Variants in GRIP2 observed in about 807,000 individuals in gnomAD.
The protein encoded by GRIP2 is glutamate receptor-interacting protein 2.
GRIP2 carries 58 observed loss-of-function variants against 108.3 expected under a neutral mutation model. The observed-to-expected ratio is 0.54, with a 90% CI of 0.43 to 0.67. The LOEUF (loss-of-function observed/expected upper bound fraction) is 0.67. Ranked by LOEUF, GRIP2 falls within the 30% of genes least tolerant of loss-of-function variation. GRIP2 has a pLI of 0.00. For missense variants in GRIP2, 1,278 were observed against 1,430.6 expected, an observed-to-expected ratio of 0.89 and a Z score of 1.72; for synonymous variants, 586 against 598.2, an observed-to-expected ratio of 0.98 and a Z score of 0.30.
the GRIP2 span, chr3:14,573,521 C>T: frequency 2.6e-6 from 4 of 1,514,168 alleles, no homozygotes; most frequent in South Asian, 2.2e-5. Context: ...CCATGCAGTG[C>T]ACCTGAGAGC....
upstream of GRIP2, among the ~76,000 whole-genome samples, chr3:14,558,755 C>T (rs1695272410): frequency 6.6e-6 from 1 of 152,172 alleles, no homozygotes; most frequent in South Asian, 2.1e-4. Flanking sequence ...TACACACCCA[C>T]CCCAGAGACC....
chr3:14,500,871 G>A (rs1693746617), intron 21 of GRIP2, among the ~76,000 whole-genome samples: 1 of 152,120 alleles, frequency 6.6e-6, no homozygotes, highest in Admixed American at 6.6e-5. Flanking sequence ...TAAGAAAGTT[G>A]GGATATGAGA....
rs1239793818 is a variant in GRIP2, at chr3:14,492,062, AGGG to A, written c.*1600_*1602del. ...AGGAGACAGCGTGGGCAGGTCCCCA[AGGG>A]GGCCTTGGTGGGTCGGCAGAGATGG... is the stretch of plus-strand genomic sequence containing the variant. On this transcript the variant is annotated 3_prime_UTR_variant, in exon 24 of 24. Coordinates refer to ENST00000621039, the MANE Select transcript of GRIP2 (RefSeq NM_001080423.4). 2 of 152,286 alleles carry A rather than the reference AGGG, an allele frequency of 1.3e-5. No homozygotes were observed. The highest frequency in any genetic ancestry group is 2.9e-5 in the Non-Finnish European group (2 of 68,132). The allele number at this position is 152,286 out of a possible 1,614,324, so 9.4% of individuals were successfully genotyped here.
intron 21 of GRIP2, among the ~76,000 whole-genome samples, chr3:14,499,549 C>G (rs1299707613): frequency 6.8e-6 from 1 of 146,672 alleles, no homozygotes; most frequent in Admixed American, 6.8e-5. Context: ...AACCCTGTCT[C>G]TACCAAAAAA....
intron 1 of GRIP2, among the ~76,000 whole-genome samples, chr3:14,555,271 C>G (rs962360931): frequency 6.6e-6 from 1 of 152,126 alleles, no homozygotes; most frequent in Non-Finnish European, 1.5e-5. Flanking sequence ...CCCTCCCACC[C>G]CTCCTCCCCC....
In GRIP2 at chr3:14,520,464, C is replaced by A. The variant is rs766736884; in HGVS notation, c.786G>T (p.Ser262=). The A allele has an allele frequency of 1.9e-6, 3 of 1,613,880 alleles. No homozygotes were observed. The highest frequency in any genetic ancestry group is 1.7e-5 in the Admixed American group (1 of 60,010). Residue 262 remains serine (S), a synonymous_variant, in exon 8 of 24, where the codon TCG becomes TCT. Coordinates refer to ENST00000621039, the MANE Select transcript of GRIP2 (RefSeq NM_001080423.4). ...TGTTCCGGAGGGAGGTGGTGGTGAG[C>A]GAGATCCCCAGGGCAGACCCTGGCG... ...VKTPGSALGI[S]LTTTSLRNKS... is the part of the protein sequence containing the mutation.
chr3:14,572,980 C>T, the GRIP2 span: 1 of 1,483,760 alleles, frequency 6.7e-7, no homozygotes, highest in South Asian at 1.1e-5. Flanking sequence ...GCCAGGAGGC[C>T]CAGGAAGACC....
At chr3:14,509,473 G>A (rs1316801721) in intron 17 of GRIP2, among the ~76,000 whole-genome samples, 8 of 152,216 alleles carry the variant, frequency 5.3e-5, no homozygotes. Flanking sequence ...AGGGTACTGG[G>A]GCACTGCCCC....
Position 14,517,818 on chromosome 3 carries a change from G to A in GRIP2, c.1110C>T (p.Cys370=). Residue 370 remains cysteine, a synonymous_variant, in exon 10 of 24, where the codon TGC becomes TGT. Transcript: ENST00000621039. ...PSCHSPRPGH[C]RMPTWATPAG... ...CAGGTGTGGCCCAGGTGGGCATCCT[G>A]CAGTGGCCGGGCCGGGGGCTGTGGC... is the stretch of plus-strand genomic sequence containing the variant. 8.1e-6 allele frequency: 13 copies of A among 1,606,694 alleles called. No individual in the cohort carries two copies. The highest frequency in any genetic ancestry group is 1.1e-5 in the Non-Finnish European group (13 of 1,177,140).
At chr3:14,547,813 A>T (rs1322977352) in intron 1 of GRIP2, among the ~76,000 whole-genome samples, 1 of 152,250 alleles carries the variant, frequency 6.6e-6, no homozygotes, top group Non-Finnish European at 1.5e-5. Context: ...AAAAAGCAGC[A>T]TTAAGCATCC....
At position 14,509,811 on chromosome 3, in the gene GRIP2, C is replaced by T. The variant is rs1178990235; in HGVS notation, c.2078+9G>A. 6.8e-6 allele frequency: 10 copies of T among 1,472,294 alleles called. No homozygotes were observed. Among genetic ancestry groups the T allele is most frequent in the Non-Finnish European group, 9.1e-6 (10 of 1,102,316 alleles). The allele number at this position is 1,472,294 out of a possible 1,614,324, so 91.2% of individuals were successfully genotyped here. ...GCCCACCATGCGTCCCCACAGAGCCCCAGTTCACCTCTCAGCCAGGCCACG... is the reference window on the plus strand; with the variant it reads ...GCCCACCATGCGTCCCCACAGAGCCTCAGTTCACCTCTCAGCCAGGCCACG... On this transcript the variant is annotated intron_variant, in intron 17 of 23. Coordinates refer to ENST00000621039, the MANE Select transcript of GRIP2 (RefSeq NM_001080423.4).
chr3:14,524,253 G>T, intron 4 of GRIP2, 140 bp downstream of exon 4: 2 of 957,528 alleles, frequency 2.1e-6, no homozygotes, highest in South Asian at 1.7e-5. Flanking sequence ...CCTAGGCGAG[G>T]TATGGATGCT....
At chr3:14,602,951 C>T in the GRIP2 span, among the ~76,000 whole-genome samples, 2 of 149,388 alleles carry the variant, frequency 1.3e-5, no homozygotes, top group African/African-American at 2.4e-5. This position sits in a 1 kb window ranked among gnomAD's most constrained non-coding sequence, Gnocchi z 4.7. Flanking sequence ...CCGCTGCAGG[C>T]AGAGCGCGAG....
upstream of GRIP2, among the ~76,000 whole-genome samples, chr3:14,561,043 T>G (rs1695307379): frequency 6.6e-6 from 1 of 152,188 alleles, no homozygotes; most frequent in Non-Finnish European, 1.5e-5. Context: ...GACTGGAAGA[T>G]CAGGAAGACA....
intron 1 of GRIP2, 119 bp from the exon 2 acceptor site, chr3:14,526,050 C>T: frequency 3.9e-6 from 3 of 765,490 alleles, no homozygotes; most frequent in South Asian, 3.1e-5. Flanking sequence ...TTCCCTCCTG[C>T]CACCAGCTCC....
the GRIP2 span, among the ~76,000 whole-genome samples, chr3:14,588,601 C>T: frequency 2.0e-5 from 3 of 152,182 alleles, no homozygotes; most frequent in South Asian, 2.1e-4. Flanking sequence ...GGACTCCCGC[C>T]GGCCCAGAGC....
Position 14,511,410 on chromosome 3 carries a change from T to C in GRIP2, c.1787+3A>G, listed in dbSNP as rs1694089096. ...TTCCCTTCCTGTGCCCCAGTGCCCCTACCTGTGTGCCACGCTGCCTTTCTT... is the reference window on the plus strand; with the variant it reads ...TTCCCTTCCTGTGCCCCAGTGCCCCCACCTGTGTGCCACGCTGCCTTTCTT... On this transcript the variant is annotated splice_donor_region_variant and intron_variant, in intron 15 of 23. Transcript: ENST00000621039. The surrounding 1 kb of genome is among the most constrained non-coding windows in gnomAD (Gnocchi z 4.1). 3 of 1,614,008 alleles carry C rather than the reference T, an allele frequency of 1.9e-6. No individual in the cohort carries two copies. In the African/African-American group the frequency reaches 4.0e-5, roughly 22 times the overall value.
chr3:14,585,418 C>T, the GRIP2 span, among the ~76,000 whole-genome samples: 213 of 152,346 alleles, frequency 1.4e-3, 1 homozygote, highest in African/African-American at 4.8e-3. Flanking sequence ...GCCCACACAG[C>T]CTCCATATAG....
At chr3:14,561,431 G>T in the GRIP2 span, among the ~76,000 whole-genome samples, 1 of 151,810 alleles carries the variant, frequency 6.6e-6, no homozygotes, top group Admixed American at 6.5e-5. Flanking sequence ...TCGGTCCCAA[G>T]GCCCAGAGAG....
Sources: allele counts gnomAD v4.1 joint callset (sites outside exome capture counted in the v4.1 genomes callset), GRCh38; gene constraint gnomAD v4.1.1; non-coding constraint Gnocchi (gnomAD v3.1); transcripts MANE v1.5; gene names NCBI Gene and HGNC (gene_info 2026-07-23, HGNC 2026-07-21).